Variants in CNGB3 observed in about 807,000 individuals in gnomAD.
The protein encoded by CNGB3 is cyclic nucleotide-gated channel beta-3.
A neutral mutation model predicts 92.8 loss-of-function variants in CNGB3; 86 were observed. That is an observed-to-expected ratio of 0.93 (90% CI 0.78 to 1.11). The LOEUF is 1.11. CNGB3 is among the 50% of genes least tolerant of loss of function. The pLI, the probability that CNGB3 is intolerant of heterozygous loss-of-function variation, is 0.00. For synonymous variants in CNGB3, 333 were observed against 332.7 expected (o/e 1.00, Z -0.01); for missense variants, 1,026 against 956.8 (o/e 1.07, Z -0.95).
At chr8:86,680,745 T>C (rs979425518) in intron 3 of CNGB3, among the ~76,000 whole-genome samples, 21 of 151,926 alleles carry the variant, frequency 1.4e-4, no homozygotes, top group African/African-American at 4.6e-4. Flanking sequence ...AAGAATACGG[T>C]CAAGTGAACA....
chr8:86,697,287 A>G (rs1373299941), intron 3 of CNGB3, among the ~76,000 whole-genome samples: 1 of 152,210 alleles, frequency 6.6e-6, no homozygotes, highest in African/African-American at 2.4e-5. Flanking sequence ...TCACAGATAT[A>G]TTAACTATCC....
chr8:86,693,425 T>A (rs1824357659), intron 3 of CNGB3, among the ~76,000 whole-genome samples: 1 of 140,798 alleles, frequency 7.1e-6, no homozygotes, highest in South Asian at 2.3e-4. Flanking sequence ...TTTTTTTTAT[T>A]ATTATTATTA....
In CNGB3 at chr8:86,597,969, C is replaced by T. The variant is rs188033557; in HGVS notation, c.1781+6124G>A. Among the ~76,000 whole-genome samples the T allele has an allele frequency of 3.8e-3, 570 of 150,680 alleles. 2 individuals carry two copies. Among genetic ancestry groups the T allele is most frequent in the Admixed American group, 8.6e-3 (131 of 15,190 alleles). ...CTCCAGCCTGGGCGACAGAGTGAGA[C>T]TTCATCTCAAATAAATAAAATAAAA... On this transcript the variant is annotated intron_variant, in intron 15 of 17. Coordinates refer to ENST00000320005, the MANE Select transcript of CNGB3 (RefSeq NM_019098.5).
intron 13 of CNGB3, among the ~76,000 whole-genome samples, chr8:86,619,943 G>A (rs1057130666): frequency 6.6e-6 from 1 of 151,736 alleles, no homozygotes; most frequent in African/African-American, 2.4e-5. Context: ...CTGGTTTTGA[G>A]CTCCTGGGCT....
At chr8:86,694,256 G>A (rs1302021671) in intron 3 of CNGB3, among the ~76,000 whole-genome samples, 13 of 138,560 alleles carry the variant, frequency 9.4e-5, no homozygotes, top group East Asian at 2.3e-4. Context: ...TGGATGGGGC[G>A]GCTGGCCGGG....
intron 8 of CNGB3, among the ~76,000 whole-genome samples, chr8:86,645,309 C>CTCCTACT (rs539854246): frequency 5.4e-4 from 81 of 151,166 alleles, no homozygotes; most frequent in East Asian, 3.9e-3. Context: ...CCTGCATGCA[C>CTCCTACT]TCCTACTTCC....
At position 86,644,647 on chromosome 8, in the gene CNGB3, T is replaced by G; in HGVS notation, c.1030A>C (p.Ile344Leu). The change falls in exon 9 of 18, where the codon ATA (isoleucine) becomes CTA (leucine). Residue 344 changes from isoleucine to leucine, a missense_variant. Coordinates refer to ENST00000320005, the MANE Select transcript of CNGB3 (RefSeq NM_019098.5). The stretch of plus-strand genomic sequence containing the variant: ...CTGTAGATATATGCTTTGTCCATTA[T>G]AGACTCTAGGTGATGATTAAATTCA... ...FFEFNHHLES[I>L]MDKAYIYRVI... The G allele has an allele frequency of 1.3e-6, 2 of 1,599,762 alleles. No individual in the cohort carries two copies. The highest frequency in any genetic ancestry group is 1.7e-6 in the Non-Finnish European group (2 of 1,170,496).
rs1823288765 is a variant in CNGB3, at chr8:86,646,162, A to G, written c.991-1476T>C. ...AATTTCTGAAAATTGTTTATGTCCA[A>G]GCAGGTACCTTCTGAAATTTCCATG... On this transcript the variant is annotated intron_variant, in intron 8 of 17. Transcript: ENST00000320005. 2.0e-5 allele frequency among the ~76,000 whole-genome samples: 3 copies of G among 151,268 alleles called. No individual in the cohort carries two copies. The South Asian group carries it at 6.2e-4, about 31-fold the overall frequency.
chr8:86,648,182 T>C (rs753747937), intron 7 of CNGB3, among the ~76,000 whole-genome samples: 13 of 151,218 alleles, frequency 8.6e-5, no homozygotes, highest in Non-Finnish European at 1.5e-4. Context: ...ATGGGCATAG[T>C]TGCTAATGTT....
chr8:86,673,318 G>T (rs1466776211), intron 3 of CNGB3, among the ~76,000 whole-genome samples: 1 of 152,186 alleles, frequency 6.6e-6, no homozygotes, highest in East Asian at 1.9e-4. Flanking sequence ...ACAGATAAAT[G>T]ATAGACTGTC....
At chr8:86,579,829 C>T (rs1373630193) in intron 15 of CNGB3, among the ~76,000 whole-genome samples, 1 of 152,190 alleles carries the variant, frequency 6.6e-6, no homozygotes, top group Non-Finnish European at 1.5e-5. Flanking sequence ...CAATTCCCAT[C>T]ACTCTTGATG....
chr8:86,717,670 A>G (rs1311014084), intron 3 of CNGB3, among the ~76,000 whole-genome samples: 1 of 152,048 alleles, frequency 6.6e-6, no homozygotes, highest in Non-Finnish European at 1.5e-5. Flanking sequence ...ACTATACCCT[A>G]CAACAAATGG....
At chr8:86,697,865 C>T (rs946328895) in intron 3 of CNGB3, among the ~76,000 whole-genome samples, 2 of 145,186 alleles carry the variant, frequency 1.4e-5, no homozygotes, top group Non-Finnish European at 3.0e-5. Flanking sequence ...TTGTTCAGTT[C>T]CCACCTATGA....
At chr8:86,737,213 A>G (rs997954459) in intron 2 of CNGB3, among the ~76,000 whole-genome samples, 1 of 152,174 alleles carries the variant, frequency 6.6e-6, no homozygotes, top group Admixed American at 6.5e-5. Flanking sequence ...AGTCAAGAAA[A>G]CTAAAGTGAA....
chr8:86,586,248 G>GTA (rs1821886789), intron 15 of CNGB3, among the ~76,000 whole-genome samples: 1 of 152,144 alleles, frequency 6.6e-6, no homozygotes, highest in Non-Finnish European at 1.5e-5. Context: ...TAGGCATGGG[G>GTA]TAAGTGTGTA....
rs186668669 is a variant in CNGB3, at chr8:86,643,101, C to A, written c.1178+650G>T. 6.6e-5 allele frequency among the ~76,000 whole-genome samples: 10 copies of A among 151,516 alleles called. No individual in the cohort carries two copies. In the East Asian group the frequency reaches 1.9e-3, roughly 29 times the overall value. Reference sequence around the variant, plus strand: ...ATTTCACAGGCCAACTCAGGATACACACACACACACACACACTCCCCTACT... The same window carrying A: ...ATTTCACAGGCCAACTCAGGATACAAACACACACACACACACTCCCCTACT... On this transcript the variant is annotated intron_variant, in intron 10 of 17. Transcript: ENST00000320005.
intron 15 of CNGB3, among the ~76,000 whole-genome samples, chr8:86,601,559 CT>C (rs1822301780): frequency 6.6e-6 from 1 of 151,662 alleles, no homozygotes; most frequent in Non-Finnish European, 1.5e-5. Flanking sequence ...CTTTTAAAGG[CT>C]ACATGATAGT....
intron 2 of CNGB3, among the ~76,000 whole-genome samples, chr8:86,734,748 A>T (rs1399984983): frequency 3.9e-5 from 6 of 152,342 alleles, no homozygotes; most frequent in African/African-American, 1.4e-4. Context: ...TCCCCATGTG[A>T]CAGTGACTAG....
In CNGB3 at chr8:86,653,999, G is replaced by T. The variant is rs750820143; in HGVS notation, c.903+13C>A. On this transcript the variant is annotated intron_variant, in intron 7 of 17. Transcript: ENST00000320005. ...AGATCACGTGAGCAACTTTGAAATT[G>T]TTTGTCACCTACCTGAAATTTTGTA... 2.2e-5 allele frequency: 35 copies of T among 1,563,190 alleles called. No individual in the cohort carries two copies. The highest frequency in any genetic ancestry group is 1.7e-4 in the Middle Eastern group (1 of 5,982).
Sources: gnomAD v4.1 joint callset for allele counts (sites outside exome capture counted in the v4.1 genomes callset) on GRCh38, gnomAD v4.1.1 for gene constraint, MANE v1.5 for transcripts, NCBI Gene and HGNC (gene_info 2026-07-23, HGNC 2026-07-21) for gene names.